The following RAPGEF4 variants were observed in gnomAD, a reference collection of about 807,000 sequenced individuals.
The protein encoded by RAPGEF4 is Rap guanine nucleotide exchange factor 4.
A neutral mutation model predicts 147.9 loss-of-function variants in RAPGEF4; 66 were observed. The ratio of observed to expected loss-of-function variants is 0.45; its 90% confidence interval spans 0.37 to 0.55. RAPGEF4 has a LOEUF of 0.55. Among genes scored for constraint, RAPGEF4 ranks in the 20% least tolerant of loss-of-function variants. The probability of loss-of-function intolerance (pLI) is 0.00; values close to 1 mark genes in which losing one functional copy is unlikely to be tolerated. For missense variants in RAPGEF4, 1,071 were observed against 1,257.3 expected, an observed-to-expected ratio of 0.85 and a Z score of 2.24; for synonymous variants, 419 against 442.7, an observed-to-expected ratio of 0.95 and a Z score of 0.67.
intron 4 of RAPGEF4, among the ~76,000 whole-genome samples, chr2:172,909,262 C>T (rs1434948750): frequency 6.6e-6 from 1 of 152,204 alleles, no homozygotes; most frequent in African/African-American, 2.4e-5. Flanking sequence ...CATGCATCCT[C>T]AAGGCCACCA....
chr2:172,992,385 T>G (rs1225649366), intron 15 of RAPGEF4, among the ~76,000 whole-genome samples: 1 of 152,236 alleles, frequency 6.6e-6, no homozygotes, highest in African/African-American at 2.4e-5. Context: ...CTGCTTCTAG[T>G]GATTTTCTTT....
chr2:172,965,833 T>A (rs1689778580), intron 9 of RAPGEF4, 150 bp downstream of exon 9: 1 of 960,454 alleles, frequency 1.0e-6, no homozygotes, highest in Non-Finnish European at 1.6e-6. Flanking sequence ...GCAATACAAA[T>A]GCAGCAAGTA....
intron 1 of RAPGEF4, among the ~76,000 whole-genome samples, chr2:172,771,198 G>C (rs1490328347): frequency 2.0e-5 from 3 of 152,126 alleles, no homozygotes; most frequent in Non-Finnish European, 4.4e-5. Context: ...GGTGCCAGCA[G>C]ATTTGGTCAG....
At chr2:172,920,894 C>T (rs1389224293) in intron 5 of RAPGEF4, among the ~76,000 whole-genome samples, 2 of 152,028 alleles carry the variant, frequency 1.3e-5, no homozygotes, top group African/African-American at 4.8e-5. Flanking sequence ...TCTGACAGAC[C>T]TGGGAAGTGA....
intron 1 of RAPGEF4, among the ~76,000 whole-genome samples, chr2:172,759,499 G>C (rs1574727523): frequency 6.6e-6 from 1 of 152,174 alleles, no homozygotes; most frequent in African/African-American, 2.4e-5. Context: ...CAACATCACT[G>C]TGATAAATAC....
chr2:172,737,710 A>G (rs1282015650), intron 1 of RAPGEF4, among the ~76,000 whole-genome samples: 1 of 122,612 alleles, frequency 8.2e-6, no homozygotes, highest in African/African-American at 3.1e-5. Flanking sequence ...AAATCTAGGA[A>G]AAAAAAAAAA....
Position 172,885,814 on chromosome 2 carries a change from A to G in RAPGEF4, c.445-31988A>G, listed in dbSNP as rs1166133515. Among the ~76,000 whole-genome samples, 4 of 152,178 alleles carry G rather than the reference A, an allele frequency of 2.6e-5. No individual in the cohort carries two copies. The East Asian group carries it at 5.8e-4, about 22-fold the overall frequency. On this transcript the variant is annotated intron_variant, in intron 4 of 30. Coordinates refer to ENST00000397081, the MANE Select transcript of RAPGEF4 (RefSeq NM_007023.4). ...GTCAAACCATATCACCCTGCTTGGC[A>G]TCTTGCCACCAACACCCTGAATCTG...
At chr2:172,990,750 A>C in intron 14 of RAPGEF4, 60 bp from the exon 15 acceptor site, 1 of 1,280,934 alleles carries the variant, frequency 7.8e-7, no homozygotes, top group South Asian at 1.3e-5. Flanking sequence ...AGCATTTGAA[A>C]ATTTTTTCAT....
intron 4 of RAPGEF4, among the ~76,000 whole-genome samples, chr2:172,857,358 T>C (rs1237512768): frequency 6.6e-6 from 1 of 152,196 alleles, no homozygotes; most frequent in Non-Finnish European, 1.5e-5. Flanking sequence ...CAAAATATTC[T>C]GGAACGTATA....
At chr2:173,031,392 G>A (rs993134592) in intron 26 of RAPGEF4, among the ~76,000 whole-genome samples, 1 of 152,206 alleles carries the variant, frequency 6.6e-6, no homozygotes, top group Admixed American at 6.5e-5. Context: ...AAGCCATAAT[G>A]CAACTCCCTC....
chr2:173,005,495 TTTG>T (rs138462198), intron 17 of RAPGEF4, among the ~76,000 whole-genome samples: 6,810 of 147,274 alleles, frequency 0.046, 534 homozygotes, highest in African/African-American at 0.15. Flanking sequence ...GTATATTATT[TTTG>T]TTGTTGTTGT....
chr2:172,846,038 G>A (rs558211220), intron 4 of RAPGEF4, among the ~76,000 whole-genome samples: 2 of 152,142 alleles, frequency 1.3e-5, no homozygotes, highest in Non-Finnish European at 2.9e-5. Flanking sequence ...CGCAGCAGGA[G>A]GACAAACCTG....
chr2:173,044,241 G>A (rs1447432772), intron 29 of RAPGEF4, among the ~76,000 whole-genome samples: 2 of 135,442 alleles, frequency 1.5e-5, no homozygotes, highest in African/African-American at 2.7e-5. Context: ...GGTCATTGCC[G>A]TGGCATTTGT....
intron 22 of RAPGEF4, among the ~76,000 whole-genome samples, chr2:173,019,984 G>A (rs756761698): frequency 6.6e-5 from 10 of 152,238 alleles, no homozygotes; most frequent in Middle Eastern, 3.4e-3. Flanking sequence ...TTTTTGGAGT[G>A]GGATTTTTTT....
intron 6 of RAPGEF4, among the ~76,000 whole-genome samples, chr2:172,925,255 G>C (rs1330625989): frequency 1.3e-5 from 2 of 152,110 alleles, no homozygotes; most frequent in Non-Finnish European, 2.9e-5. Flanking sequence ...ATGAGATTAC[G>C]GGTGTGAGCC....
At chr2:173,039,914 G>C (rs769499811) in intron 29 of RAPGEF4, among the ~76,000 whole-genome samples, 1 of 152,196 alleles carries the variant, frequency 6.6e-6, no homozygotes, top group Non-Finnish European at 1.5e-5. Flanking sequence ...CTCCAGCTGG[G>C]TGTGGTGGCT....
chr2:172,797,318 C>G (rs1686474897), intron 2 of RAPGEF4, among the ~76,000 whole-genome samples: 1 of 152,142 alleles, frequency 6.6e-6, no homozygotes, highest in Non-Finnish European at 1.5e-5. Flanking sequence ...TAAGGTTCCA[C>G]TTCACAGAAT....
At chr2:172,826,839 G>T (rs903497434) in intron 4 of RAPGEF4, among the ~76,000 whole-genome samples, 3 of 151,984 alleles carry the variant, frequency 2.0e-5, no homozygotes, top group African/African-American at 2.4e-5. Context: ...CAGTGTGGTA[G>T]CATGTGCCTG....
chr2:172,902,371 C>T (rs181106751), intron 4 of RAPGEF4, among the ~76,000 whole-genome samples: 1 of 152,116 alleles, frequency 6.6e-6, no homozygotes, highest in East Asian at 1.9e-4. Flanking sequence ...GGCATGACCT[C>T]GGCTCACTGC....
Sources: gnomAD v4.1 joint callset for allele counts (sites outside exome capture counted in the v4.1 genomes callset) on GRCh38, gnomAD v4.1.1 for gene constraint, MANE v1.5 for transcripts, NCBI Gene and HGNC (gene_info 2026-07-23, HGNC 2026-07-21) for gene names.